ITSN2: variants seen among roughly 807,000 people sequenced by gnomAD.
ITSN2 encodes intersectin-2.
ITSN2 carries 156 observed loss-of-function variants against 243.7 expected under a neutral mutation model. The observed-to-expected ratio is 0.64, with a 90% CI of 0.56 to 0.73. The LOEUF is 0.73. ITSN2 is among the 30% of genes least tolerant of loss of function. ITSN2 has a pLI of 0.00. For missense variants in ITSN2, 1,801 were observed against 1,996.1 expected, an observed-to-expected ratio of 0.90 and a Z score of 1.86; for synonymous variants, 703 against 699.9, an observed-to-expected ratio of 1.00 and a Z score of -0.07.
At chr2:24,294,292 G>C (rs770139863) in intron 14 of ITSN2, among the ~76,000 whole-genome samples, 4 of 152,192 alleles carry the variant, frequency 2.6e-5, no homozygotes, top group African/African-American at 4.8e-5. Flanking sequence ...CAGGCGTGGT[G>C]GTGGGTGCCT....
intron 29 of ITSN2, among the ~76,000 whole-genome samples, chr2:24,232,856 T>G (rs1671760756): frequency 6.6e-6 from 1 of 152,222 alleles, no homozygotes; most frequent in South Asian, 2.1e-4. Context: ...AGATTCCATG[T>G]ATAAACCTAC....
chr2:24,274,753 G>C (rs1208120313), intron 18 of ITSN2, among the ~76,000 whole-genome samples: 1 of 152,146 alleles, frequency 6.6e-6, no homozygotes, highest in African/African-American at 2.4e-5. Context: ...ATAGAGGCCT[G>C]CCAAATGGTA....
chr2:24,233,231 T>C (rs2151210844), intron 29 of ITSN2, among the ~76,000 whole-genome samples: 1 of 152,332 alleles, frequency 6.6e-6, no homozygotes, highest in African/African-American at 2.4e-5. Flanking sequence ...GGTATGTTCA[T>C]ATAACTCATG....
rs1336561913 is a variant in ITSN2, at chr2:24,337,319, T to TATATATATATACATATATATAC, written c.-33-9205_-33-9204insGTATATATATGTATATATATAT. 2.7e-4 allele frequency among the ~76,000 whole-genome samples: 18 copies of TATATATATATACATATATATAC among 66,976 alleles called. 1 individual carries two copies. The highest frequency in any genetic ancestry group is 4.4e-4 in the Non-Finnish European group (16 of 36,716). The allele number at this position is 66,976 out of a possible 152,430, so 43.9% of individuals were successfully genotyped here. A position where few individuals can be genotyped will look rare whatever the true frequency, so the allele number is the denominator to read the frequency against. On this transcript the variant is annotated intron_variant, in intron 1 of 39. Coordinates refer to ENST00000355123, the MANE Select transcript of ITSN2 (RefSeq NM_006277.3). ...TGTGTGTGTGTGTATACACAAAATA[T>TATATATATATACATATATATAC]ATATATATATATATATATATATATA...
chr2:24,214,995 C>T (rs1335173242), intron 32 of ITSN2, among the ~76,000 whole-genome samples: 1 of 152,208 alleles, frequency 6.6e-6, no homozygotes, highest in Non-Finnish European at 1.5e-5. Context: ...ATAATAGTTT[C>T]TACTACTGAA....
intron 32 of ITSN2, among the ~76,000 whole-genome samples, chr2:24,215,108 G>C (rs998135511): frequency 3.3e-5 from 5 of 152,150 alleles, no homozygotes; most frequent in African/African-American, 1.2e-4. Context: ...TTCTCTCTCT[G>C]AGTACAGCTG....
intron 1 of ITSN2, among the ~76,000 whole-genome samples, chr2:24,349,487 C>G (rs1687844972): frequency 6.6e-6 from 1 of 152,124 alleles, no homozygotes. Flanking sequence ...GAAGGTTTCA[C>G]ACATCCAAAG....
chr2:24,309,387 C>T (rs1247351610), intron 7 of ITSN2, among the ~76,000 whole-genome samples: 2 of 152,136 alleles, frequency 1.3e-5, no homozygotes, highest in Non-Finnish European at 2.9e-5. Flanking sequence ...TTAGTAGAGA[C>T]AGGGTTTCAC....
chr2:24,285,312 AAAGTGT>A (rs1212987887), intron 16 of ITSN2, among the ~76,000 whole-genome samples: 14 of 152,204 alleles, frequency 9.2e-5, no homozygotes, highest in African/African-American at 3.4e-4. Flanking sequence ...ATGCTTGTGT[AAAGTGT>A]ATTATTAACA....
At position 24,312,392 on chromosome 2, in the gene ITSN2, G is replaced by T. The variant is rs368046084; in HGVS notation, c.189-17C>A. 3.0e-5 allele frequency: 48 copies of T among 1,581,062 alleles called. No individual in the cohort carries two copies. Among genetic ancestry groups the T allele is most frequent in the Admixed American group, 1.2e-4 (7 of 56,234 alleles). On this transcript the variant is annotated splice_polypyrimidine_tract_variant and intron_variant, in intron 4 of 39. Transcript: ENST00000355123. ...GATAAAGCCCTAAAAGGAGCATGAG[G>T]TAGGTAGATTGCTATGTGGTGTGGT...
chr2:24,270,250 CA>C (rs1207951368), intron 20 of ITSN2, among the ~76,000 whole-genome samples: 1 of 152,166 alleles, frequency 6.6e-6, no homozygotes, highest in African/African-American at 2.4e-5. Flanking sequence ...TTCTCTTATT[CA>C]TGTATTTTAT....
In ITSN2 at chr2:24,204,021, C is replaced by T. The variant is rs552847367; in HGVS notation, c.4936+224G>A. The T allele has an allele frequency of 5.9e-5, 37 of 630,034 alleles. No homozygotes were observed. The highest frequency in any genetic ancestry group is 4.3e-4 in the Middle Eastern group (1 of 2,320). The allele number at this position is 630,034 out of a possible 1,614,324, so 39.0% of individuals were successfully genotyped here. A position where few individuals can be genotyped will look rare whatever the true frequency, so the allele number is the denominator to read the frequency against. Reference sequence around the variant, plus strand: ...GAGAATGCTCCAGGAGTGGTGTTCACGTCGTGTGTGTAGGGAGTGATGGGT... The same window carrying T: ...GAGAATGCTCCAGGAGTGGTGTTCATGTCGTGTGTGTAGGGAGTGATGGGT... On this transcript the variant is annotated intron_variant, in intron 39 of 39. Transcript: ENST00000355123. This position sits in a 1 kb window ranked among gnomAD's most constrained non-coding sequence, Gnocchi z 5.1.
chr2:24,206,037 G>A (rs546225280), intron 37 of ITSN2, among the ~76,000 whole-genome samples: 1 of 152,236 alleles, frequency 6.6e-6, no homozygotes, highest in Admixed American at 6.5e-5. Flanking sequence ...TGACAAATGT[G>A]GGAAGGACTG....
intron 27 of ITSN2, 111 bp downstream of exon 27, chr2:24,248,518 C>G (rs1673694654): frequency 1.2e-6 from 1 of 800,164 alleles, no homozygotes. Flanking sequence ...TTGATTACCT[C>G]TAAGTGGAAT....
At chr2:24,347,889 T>C (rs1005336083) in intron 1 of ITSN2, among the ~76,000 whole-genome samples, 2 of 151,976 alleles carry the variant, frequency 1.3e-5, no homozygotes, top group Non-Finnish European at 2.9e-5. Context: ...CCTAGGAACA[T>C]AGTGAGACCC....
intron 36 of ITSN2, among the ~76,000 whole-genome samples, chr2:24,208,875 G>A (rs1361285891): frequency 6.6e-6 from 1 of 152,236 alleles, no homozygotes; most frequent in African/African-American, 2.4e-5. Flanking sequence ...ATTTGGGAAG[G>A]CTGCTGAGTG....
chr2:24,247,882 A>G (rs1206537103), intron 27 of ITSN2, among the ~76,000 whole-genome samples: 2 of 152,150 alleles, frequency 1.3e-5, no homozygotes, highest in Non-Finnish European at 2.9e-5. Flanking sequence ...GTAAATCAGA[A>G]GGTGGAATTT....
intron 11 of ITSN2, 137 bp downstream of exon 11, chr2:24,301,017 T>C: frequency 2.0e-6 from 1 of 500,576 alleles, no homozygotes; most frequent in Non-Finnish European, 3.6e-6. Flanking sequence ...CCAAAATACA[T>C]CCCATCTATC....
chr2:24,330,547 G>T, intron 1 of ITSN2: 1 of 797,256 alleles, frequency 1.3e-6, no homozygotes, highest in Non-Finnish European at 2.2e-6. Context: ...GCAAAGAAGG[G>T]AGAGAAGGTA....
Sources: allele counts gnomAD v4.1 joint callset (sites outside exome capture counted in the v4.1 genomes callset), GRCh38; gene constraint gnomAD v4.1.1; non-coding constraint Gnocchi (gnomAD v3.1); transcripts MANE v1.5; gene names NCBI Gene and HGNC (gene_info 2026-07-23, HGNC 2026-07-21).